Variants in EPHB2 observed in about 807,000 individuals in gnomAD.
EPHB2 encodes the protein EPH receptor B2.
In EPHB2, 18 loss-of-function variants were observed where a neutral mutation model predicts 96.4. The ratio of observed to expected loss-of-function variants is 0.19; its 90% CI spans 0.13 to 0.28. The LOEUF is 0.28. Among genes scored for constraint, EPHB2 ranks in the 10% least tolerant of loss-of-function variants. The pLI is 1.00. For missense variants in EPHB2, 989 were observed against 1,355.4 expected (o/e 0.73, Z 4.25); for synonymous variants, 506 against 534.1 (o/e 0.95, Z 0.72).
chr1:22,863,870 C>T (rs186479312), intron 4 of EPHB2, among the ~76,000 whole-genome samples: 3 of 152,272 alleles, frequency 2.0e-5, no homozygotes, highest in African/African-American at 7.2e-5. Context: ...GGATTACAGG[C>T]GTGCACCACC....
intron 1 of EPHB2, among the ~76,000 whole-genome samples, chr1:22,720,451 C>T (rs1643426531): frequency 6.6e-6 from 1 of 152,156 alleles, no homozygotes; most frequent in Non-Finnish European, 1.5e-5. Flanking sequence ...GTTCAGTGCC[C>T]GCCCCTGCAC....
At chr1:22,737,743 C>G (rs1643862529) in intron 1 of EPHB2, among the ~76,000 whole-genome samples, 1 of 152,212 alleles carries the variant, frequency 6.6e-6, no homozygotes, top group Non-Finnish European at 1.5e-5. Flanking sequence ...GTGCCTAGCA[C>G]AGAGTCTGTT....
In EPHB2 at chr1:22,860,897, C is replaced by G. The variant is rs1028287577; in HGVS notation, c.812-2140C>G. Among the ~76,000 whole-genome samples the G allele has an allele frequency of 6.6e-6, 1 of 152,074 alleles. No individual in the cohort carries two copies. Among genetic ancestry groups the G allele is most frequent in the Non-Finnish European group, 1.5e-5 (1 of 68,018 alleles). ...TGAGGCTGCCCCTTCATCCAGCCAT[C>G]AGGGAAAGGTCGGTGCCCAAGAGGA... is the stretch of plus-strand genomic sequence containing the variant. On this transcript the variant is annotated intron_variant, in intron 3 of 15. Coordinates refer to ENST00000374630, the MANE Select transcript of EPHB2 (RefSeq NM_017449.5). The surrounding 1 kb of genome is among the most constrained non-coding windows in gnomAD (Gnocchi z 4.6).
At chr1:22,868,909 C>T (rs1489884545) in intron 5 of EPHB2, among the ~76,000 whole-genome samples, 1 of 152,136 alleles carries the variant, frequency 6.6e-6, no homozygotes, top group African/African-American at 2.4e-5. Flanking sequence ...GCATGACTTC[C>T]AGAACACAGA....
At chr1:22,719,258 A>G (rs932851398) in intron 1 of EPHB2, among the ~76,000 whole-genome samples, 6 of 152,096 alleles carry the variant, frequency 3.9e-5, no homozygotes, top group Non-Finnish European at 5.9e-5. Context: ...CCCACTTTAG[A>G]GATGAGGAAA....
At chr1:22,800,606 A>G (rs1470294899) in intron 3 of EPHB2, among the ~76,000 whole-genome samples, 2 of 152,180 alleles carry the variant, frequency 1.3e-5, no homozygotes, top group Non-Finnish European at 2.9e-5. Context: ...CAGCCAGAGT[A>G]TTCAGATTCA....
At chr1:22,779,639 GA>G (rs1644500936) in intron 1 of EPHB2, among the ~76,000 whole-genome samples, 1 of 152,190 alleles carries the variant, frequency 6.6e-6, no homozygotes, top group South Asian at 2.1e-4. Context: ...TCAAGTGACT[GA>G]AAGTTTATAG....
chr1:22,770,439 AG>A (rs1326517211), intron 1 of EPHB2, among the ~76,000 whole-genome samples: 2 of 152,220 alleles, frequency 1.3e-5, no homozygotes, highest in East Asian at 3.8e-4. Flanking sequence ...AAATACATCA[AG>A]TCCCAGCAGG....
At chr1:22,855,468 CTT>C (rs1226695867) in intron 3 of EPHB2, among the ~76,000 whole-genome samples, 1 of 152,224 alleles carries the variant, frequency 6.6e-6, no homozygotes, top group Non-Finnish European at 1.5e-5. Flanking sequence ...GTCATGGTCT[CTT>C]ATGTTCCAGG....
intron 3 of EPHB2, among the ~76,000 whole-genome samples, chr1:22,818,222 C>T (rs1160180787): frequency 1.3e-5 from 2 of 152,104 alleles, no homozygotes; most frequent in Non-Finnish European, 2.9e-5. Flanking sequence ...CCTGGCCAGC[C>T]CCCCACGACC....
In EPHB2 at chr1:22,906,107, C is replaced by A; in HGVS notation, c.1886C>A (p.Ala629Glu). 1 of 1,614,146 alleles carries A rather than the reference C, an allele frequency of 6.2e-7. No individual in the cohort carries two copies. Among genetic ancestry groups the A allele is most frequent in the Non-Finnish European group, 8.5e-7 (1 of 1,180,028 alleles). Residue 629 changes from alanine (A) to glutamate (E), a missense_variant and splice_region_variant, in exon 10 of 16, where the codon GCA (alanine) becomes GAA (glutamate). Physicochemically the swap from Ala to Glu is moderately radical, Grantham distance 107. Transcript: ENST00000374630. This position sits in a 1 kb window ranked among gnomAD's most constrained non-coding sequence, Gnocchi z 4.8. ...SCVKIEQVIG[A>E]GEFGEVCSGH... Reference sequence around the variant, plus strand: ...GTCAAAATTGAGCAGGTGATCGGAGCAGGTAGGTGGCTGGTACTCTCACAT... The same window carrying A: ...GTCAAAATTGAGCAGGTGATCGGAGAAGGTAGGTGGCTGGTACTCTCACAT...
chr1:22,786,300 G>A (rs774547100), intron 3 of EPHB2, among the ~76,000 whole-genome samples: 1 of 152,178 alleles, frequency 6.6e-6, no homozygotes, highest in African/African-American at 2.4e-5. Flanking sequence ...GAGATGATGT[G>A]TACAAAGCCC....
chr1:22,808,730 G>A lies in EPHB2; in HGVS notation c.811+23654G>A, dbSNP rs943344808. 2.6e-5 allele frequency among the ~76,000 whole-genome samples: 4 copies of A among 152,160 alleles called. No individual in the cohort carries two copies. In the East Asian group the frequency reaches 5.8e-4, roughly 22 times the overall value. The stretch of plus-strand genomic sequence containing the variant: ...ATTCCCGTAACACCCTTATGACACG[G>A]GTATTAATCTTCATCTTCTCATTTT... On this transcript the variant is annotated intron_variant, in intron 3 of 15. Coordinates refer to ENST00000374630, the MANE Select transcript of EPHB2 (RefSeq NM_017449.5).
intron 3 of EPHB2, among the ~76,000 whole-genome samples, chr1:22,831,492 A>G (rs972780170): frequency 6.6e-6 from 1 of 152,060 alleles, no homozygotes; most frequent in Admixed American, 6.6e-5. Context: ...GAATCCTCTC[A>G]TTTCAACCCA....
At position 22,858,260 on chromosome 1, in the gene EPHB2, G is replaced by A. The variant is rs1439956408; in HGVS notation, c.812-4777G>A. Among the ~76,000 whole-genome samples, 1 of 152,154 alleles carries A rather than the reference G, an allele frequency of 6.6e-6. No homozygotes were observed. Among genetic ancestry groups the A allele is most frequent in the Admixed American group, 6.5e-5 (1 of 15,284 alleles). The stretch of plus-strand genomic sequence containing the variant: ...GGGGAAGCGTCCAGGAGACCATCAG[G>A]ACCAACCTCACAGGCCTTGTAGCCA... On this transcript the variant is annotated intron_variant, in intron 3 of 15. Transcript: ENST00000374630. This position sits in a 1 kb window ranked among gnomAD's most constrained non-coding sequence, Gnocchi z 7.7.
At chr1:22,811,817 T>G (rs369063084) in intron 3 of EPHB2, among the ~76,000 whole-genome samples, 1 of 152,124 alleles carries the variant, frequency 6.6e-6, no homozygotes, top group East Asian at 1.9e-4. Flanking sequence ...GGCAGGAGGA[T>G]CGTGTGAGTC....
chr1:22,815,439 A>C (rs2148466890), intron 3 of EPHB2, among the ~76,000 whole-genome samples: 1 of 152,324 alleles, frequency 6.6e-6, no homozygotes, highest in Non-Finnish European at 1.5e-5. Flanking sequence ...GCCTGGCTGG[A>C]CCCTGGCTCC....
At chr1:22,847,042 C>T (rs1645553792) in intron 3 of EPHB2, among the ~76,000 whole-genome samples, 1 of 152,190 alleles carries the variant, frequency 6.6e-6, no homozygotes, top group African/African-American at 2.4e-5. Flanking sequence ...CCCACACTCC[C>T]CTCCCAGTTC....
chr1:22,805,021 G>A lies in EPHB2; in HGVS notation c.811+19945G>A, dbSNP rs142181855. Among the ~76,000 whole-genome samples the A allele has an allele frequency of 4.0e-3, 615 of 151,966 alleles. 2 individuals carry two copies. Among genetic ancestry groups the A allele is most frequent in the Non-Finnish European group, 4.9e-3 (336 of 67,950 alleles). On this transcript the variant is annotated intron_variant, in intron 3 of 15. Transcript: ENST00000374630. ...TCCCTCCTCAACCCAGACACATTGG[G>A]GTCAGGACATGCCCCCCAACCTCCC...
Sources: gnomAD v4.1 joint callset for allele counts (sites outside exome capture counted in the v4.1 genomes callset) on GRCh38, gnomAD v4.1.1 for gene constraint, Gnocchi (gnomAD v3.1) non-coding constraint, MANE v1.5 for transcripts, NCBI Gene and HGNC (gene_info 2026-07-23, HGNC 2026-07-21) for gene names.